The following ITGA9 variants were observed in gnomAD, a reference collection of about 807,000 sequenced individuals.
ITGA9 encodes the protein integrin alpha-9.
In ITGA9, 56 loss-of-function variants were observed where a neutral mutation model predicts 127.8. The observed-to-expected ratio is 0.44, with a 90% confidence interval of 0.35 to 0.55. ITGA9 has a LOEUF of 0.55. ITGA9 is among the 20% of genes least tolerant of loss of function. The pLI is 0.00. For missense variants in ITGA9, 1,196 were observed against 1,347.1 expected (o/e 0.89, Z 1.76); for synonymous variants, 508 against 514.5 (o/e 0.99, Z 0.17).
chr3:37,464,272 C>T (rs1402785326), intron 1 of ITGA9, among the ~76,000 whole-genome samples: 1 of 128,814 alleles, frequency 7.8e-6, no homozygotes, highest in Non-Finnish European at 1.7e-5. Context: ...CTCTATTTGT[C>T]AGGGTTTTTT....
At chr3:37,790,003 T>C in intron 26 of ITGA9, 3 of 586,684 alleles carry the variant, frequency 5.1e-6, no homozygotes, top group South Asian at 4.6e-5. Flanking sequence ...GGAATTCACA[T>C]CTTTCTGTTC....
intron 15 of ITGA9, among the ~76,000 whole-genome samples, chr3:37,561,100 A>G (rs542775326): frequency 6.6e-6 from 1 of 152,334 alleles, no homozygotes; most frequent in Admixed American, 6.5e-5. Flanking sequence ...CAGTCTCCAA[A>G]TACAGCCCCA....
chr3:37,775,089 C>T (rs1191977144), intron 23 of ITGA9, among the ~76,000 whole-genome samples: 3 of 152,184 alleles, frequency 2.0e-5, no homozygotes, highest in African/African-American at 4.8e-5. Context: ...AAACAGACAA[C>T]CTACAGAATG....
chr3:37,718,796 C>A (rs555912283), intron 18 of ITGA9, among the ~76,000 whole-genome samples: 28 of 152,292 alleles, frequency 1.8e-4, no homozygotes, highest in African/African-American at 6.5e-4. Flanking sequence ...ATTCTGCGGC[C>A]ACACAGAGGG....
intron 11 of ITGA9, among the ~76,000 whole-genome samples, chr3:37,520,150 C>T (rs1244612305): frequency 6.6e-6 from 1 of 152,184 alleles, no homozygotes; most frequent in South Asian, 2.1e-4. Flanking sequence ...AGTACAACTT[C>T]TACATGAATA....
chr3:37,586,832 C>A (rs1228133788), intron 15 of ITGA9, among the ~76,000 whole-genome samples: 1 of 152,184 alleles, frequency 6.6e-6, no homozygotes, highest in Non-Finnish European at 1.5e-5. Flanking sequence ...GTGGACTGTT[C>A]CATTTTTCTG....
intron 16 of ITGA9, among the ~76,000 whole-genome samples, chr3:37,646,379 G>A (rs1700376825): frequency 6.6e-6 from 1 of 152,202 alleles, no homozygotes; most frequent in South Asian, 2.1e-4. Context: ...TTAGTGAGAA[G>A]CTGGAGAAAA....
chr3:37,584,977 C>T (rs984959179), intron 15 of ITGA9, among the ~76,000 whole-genome samples: 2 of 152,006 alleles, frequency 1.3e-5, no homozygotes, highest in Admixed American at 1.3e-4. Context: ...TGGGTTCAGT[C>T]AGAGGGGAGC....
chr3:37,687,145 A>G (rs1391276709), intron 18 of ITGA9, among the ~76,000 whole-genome samples: 1 of 152,258 alleles, frequency 6.6e-6, no homozygotes, highest in Non-Finnish European at 1.5e-5. Flanking sequence ...AACAAAGTGG[A>G]AGATCAGACA....
intron 15 of ITGA9, among the ~76,000 whole-genome samples, chr3:37,552,795 A>G (rs1699391276): frequency 6.6e-6 from 1 of 152,166 alleles, no homozygotes; most frequent in Admixed American, 6.5e-5. Flanking sequence ...CAGGCAGACC[A>G]TCTGAGGTCG....
intron 4 of ITGA9, among the ~76,000 whole-genome samples, chr3:37,491,047 G>T (rs1486681675): frequency 6.7e-6 from 1 of 148,812 alleles, no homozygotes; most frequent in Non-Finnish European, 1.5e-5. Flanking sequence ...CATGATCGTG[G>T]CTCACTGCAA....
intron 24 of ITGA9, among the ~76,000 whole-genome samples, chr3:37,778,442 A>T (rs1046809287): frequency 2.0e-5 from 3 of 152,102 alleles, no homozygotes; most frequent in African/African-American, 7.2e-5. Flanking sequence ...ACATGGTGAA[A>T]CCCTGTATCT....
intron 18 of ITGA9, among the ~76,000 whole-genome samples, chr3:37,730,334 G>A (rs1696272436): frequency 6.6e-6 from 1 of 152,192 alleles, no homozygotes; most frequent in Non-Finnish European, 1.5e-5. Flanking sequence ...AGGATTTAGG[G>A]TAGTGTCTAC....
intron 26 of ITGA9, among the ~76,000 whole-genome samples, chr3:37,792,417 G>T (rs1290239649): frequency 6.6e-6 from 1 of 152,172 alleles, no homozygotes; most frequent in Non-Finnish European, 1.5e-5. Flanking sequence ...GCTTTAGATT[G>T]GGGGTCGAGG....
intron 18 of ITGA9, among the ~76,000 whole-genome samples, chr3:37,705,593 G>A (rs1012561948): frequency 1.3e-5 from 2 of 152,150 alleles, no homozygotes; most frequent in South Asian, 4.1e-4. Context: ...CCCAGCCCTC[G>A]TTTTTCAGCT....
chr3:37,493,721 T>A (rs752666090), intron 4 of ITGA9, among the ~76,000 whole-genome samples: 1 of 152,160 alleles, frequency 6.6e-6, no homozygotes, highest in Non-Finnish European at 1.5e-5. Flanking sequence ...TGTTAACAAG[T>A]GGGGATATGG....
chr3:37,759,012 G>A (rs149313205), intron 23 of ITGA9, among the ~76,000 whole-genome samples: 161 of 151,616 alleles, frequency 1.1e-3, no homozygotes, highest in Middle Eastern at 6.8e-3. Context: ...ATCCAGGACA[G>A]CCCCTACAAA....
chr3:37,705,673 T>G (rs1294648125), intron 18 of ITGA9, among the ~76,000 whole-genome samples: 1 of 152,144 alleles, frequency 6.6e-6, no homozygotes, highest in Admixed American at 6.5e-5. Context: ...CCAGTTGCAG[T>G]GTACAATATT....
intron 15 of ITGA9, among the ~76,000 whole-genome samples, chr3:37,577,255 C>T (rs1221714153): frequency 6.6e-6 from 1 of 152,254 alleles, no homozygotes; most frequent in East Asian, 1.9e-4. Flanking sequence ...GCCCCACTTC[C>T]AGTTTCTTTC....
Sources: gnomAD v4.1 joint callset for allele counts (sites outside exome capture counted in the v4.1 genomes callset) on GRCh38, gnomAD v4.1.1 for gene constraint, MANE v1.5 for transcripts, NCBI Gene and HGNC (gene_info 2026-07-23, HGNC 2026-07-21) for gene names.